Variants in KBTBD2 observed in about 807,000 individuals in gnomAD.
The protein encoded by KBTBD2 is kelch repeat and BTB domain containing 2, also known as kelch repeat and BTB domain-containing protein 2.
In KBTBD2, 17 loss-of-function variants were observed where a neutral mutation model predicts 57.1. The ratio of observed to expected loss-of-function variants is 0.30; its 90% CI spans 0.20 to 0.45. The LOEUF is 0.45. Among genes scored for constraint, KBTBD2 ranks in the 20% least tolerant of loss-of-function variants. The pLI is 1.00. For missense variants in KBTBD2, 515 were observed against 750.6 expected (o/e 0.69, Z 3.67); for synonymous variants, 267 against 262.7 (o/e 1.02, Z -0.16).
At chr7:32,885,416 G>A (rs765380184) in intron 1 of KBTBD2, among the ~76,000 whole-genome samples, 1 of 145,704 alleles carries the variant, frequency 6.9e-6, no homozygotes, top group Non-Finnish European at 1.5e-5. Context: ...ATTCCTGCTA[G>A]TTCCGTGGAC....
At chr7:32,872,885 C>T (rs1398763472) in intron 3 of KBTBD2, among the ~76,000 whole-genome samples, 1 of 151,952 alleles carries the variant, frequency 6.6e-6, no homozygotes, top group Non-Finnish European at 1.5e-5. Context: ...ATTTCTGGTC[C>T]CAATCATTTT....
In KBTBD2 at chr7:32,874,986, G is replaced by T; in HGVS notation, c.336+6C>A. 6.2e-7 allele frequency: 1 copy of T among 1,612,862 alleles called. No individual in the cohort carries two copies. The highest frequency in any genetic ancestry group is 8.5e-7 in the Non-Finnish European group (1 of 1,179,046). ...ACTCCGTCTAAAAAAATATATATAT[G>T]CTTACCTGTAGGAAGCAAGCTGTTT... On this transcript the variant is annotated splice_donor_region_variant and intron_variant, in intron 3 of 3. Transcript: ENST00000304056.
At chr7:32,881,824 T>G (rs1190707357) in intron 1 of KBTBD2, among the ~76,000 whole-genome samples, 2 of 152,214 alleles carry the variant, frequency 1.3e-5, no homozygotes, top group African/African-American at 4.8e-5. Context: ...GAGGAGTAAG[T>G]TGATACATAC....
intron 1 of KBTBD2, among the ~76,000 whole-genome samples, chr7:32,880,316 A>T (rs778759740): frequency 6.6e-6 from 1 of 151,944 alleles, no homozygotes; most frequent in Non-Finnish European, 1.5e-5. Context: ...AAGAAAAAAT[A>T]TTTTTTTAAA....
At chr7:32,891,887 G>GCCC (rs1554279067), upstream of KBTBD2, 7 of 29,366 alleles carry the variant, frequency 2.4e-4, no homozygotes, top group Non-Finnish European at 4.4e-4. Flanking sequence ...CGCCGCCCCC[G>GCCC]CCGCCCCCGC....
chr7:32,872,887 A>T (rs895849519), intron 3 of KBTBD2, among the ~76,000 whole-genome samples: 4 of 152,208 alleles, frequency 2.6e-5, no homozygotes, highest in Non-Finnish European at 2.9e-5. Flanking sequence ...TTCTGGTCCC[A>T]ATCATTTTGG....
intron 3 of KBTBD2, among the ~76,000 whole-genome samples, chr7:32,871,331 T>G (rs1034703939): frequency 6.6e-6 from 1 of 152,226 alleles, no homozygotes; most frequent in Admixed American, 6.5e-5. Context: ...CAGAAAATCA[T>G]GCACAATGAG....
At chr7:32,875,578 A>G (rs1012251633) in intron 2 of KBTBD2, among the ~76,000 whole-genome samples, 2 of 152,136 alleles carry the variant, frequency 1.3e-5, no homozygotes, top group Non-Finnish European at 2.9e-5. Context: ...AGCCAATGAA[A>G]TTTTTGAGGG....
At chr7:32,882,219 G>A (rs6462430) in intron 1 of KBTBD2, among the ~76,000 whole-genome samples, 73,506 of 151,872 alleles carry the variant, frequency 0.48, 19,434 homozygotes, top group African/African-American at 0.71. Context: ...CATTAATAAA[G>A]TAGAAGTCCT....
rs182316559 is a variant in KBTBD2, at chr7:32,883,780, T to C, written c.-338-3838A>G. 7.2e-5 allele frequency among the ~76,000 whole-genome samples: 11 copies of C among 152,336 alleles called. No homozygotes were observed. The South Asian group carries it at 8.3e-4, about 11-fold the overall frequency. On this transcript the variant is annotated intron_variant, in intron 1 of 3. Transcript: ENST00000304056. ...TTTATTGAATACTAAGTGCCAATCATTGCACTTTACATACTCGGATTCAGA... is the reference window on the plus strand; with the variant it reads ...TTTATTGAATACTAAGTGCCAATCACTGCACTTTACATACTCGGATTCAGA...
chr7:32,885,681 C>T (rs1784561495), intron 1 of KBTBD2, among the ~76,000 whole-genome samples: 1 of 152,122 alleles, frequency 6.6e-6, no homozygotes, highest in Admixed American at 6.5e-5. Flanking sequence ...AAAATGCTAA[C>T]CAGCATAAGA....
intron 3 of KBTBD2, among the ~76,000 whole-genome samples, chr7:32,873,782 G>A (rs552979624): frequency 2.0e-5 from 3 of 152,072 alleles, no homozygotes; most frequent in Admixed American, 1.3e-4. Context: ...GGTATATTAG[G>A]TAGTAAAACA....
At chr7:32,891,305 G>A (rs991801417) in intron 1 of KBTBD2, among the ~76,000 whole-genome samples, 3 of 148,602 alleles carry the variant, frequency 2.0e-5, no homozygotes, top group African/African-American at 7.3e-5. Context: ...GACCTGCCCG[G>A]AGCTCCGCCG....
chr7:32,891,006 GCTTT>G (rs1357559321), intron 1 of KBTBD2: 1 of 152,182 alleles, frequency 6.6e-6, no homozygotes, highest in Non-Finnish European at 1.5e-5. Flanking sequence ...GGCAGTTTCT[GCTTT>G]CTTTTTTAAG....
At chr7:32,873,384 C>CAAAAAAAAAA (rs544661966) in intron 3 of KBTBD2, among the ~76,000 whole-genome samples, 2 of 107,782 alleles carry the variant, frequency 1.9e-5, no homozygotes, top group African/African-American at 3.6e-5. Flanking sequence ...AAGCTCTAAG[C>CAAAAAAAAAA]AAAAAAAAAA....
At position 32,869,963 on chromosome 7, in the gene KBTBD2, A is replaced by C; in HGVS notation, c.1254T>G (p.Ala418=). 1 of 1,614,152 alleles carries C rather than the reference A, an allele frequency of 6.2e-7. No individual in the cohort carries two copies. The highest frequency in any genetic ancestry group is 8.5e-7 in the Non-Finnish European group (1 of 1,180,022). The change falls in exon 4 of 4, where the codon GCT becomes GCG. Residue 418 remains alanine, a synonymous_variant. Coordinates refer to ENST00000304056, the MANE Select transcript of KBTBD2 (RefSeq NM_015483.3). ...CCACAACTGCTGCACTCCATTGCCA[A>C]GCACAAGGTAAAGGGCTTACCATCG... The part of the protein sequence containing the change: ...EWTMVSPLPC[A]WQWSAAVVVH...
At chr7:32,870,943 T>G in intron 3 of KBTBD2, 63 bp from the exon 4 acceptor site, 1 of 960,920 alleles carries the variant, frequency 1.0e-6, no homozygotes, top group Non-Finnish European at 1.5e-6. Flanking sequence ...TTTACTTTTA[T>G]GTAAGACGTA....
At chr7:32,890,531 G>A (rs988110889) in intron 1 of KBTBD2, among the ~76,000 whole-genome samples, 3 of 152,180 alleles carry the variant, frequency 2.0e-5, no homozygotes, top group African/African-American at 7.2e-5. Context: ...TTAATTAGTT[G>A]CCTCGATAAA....
intron 3 of KBTBD2, among the ~76,000 whole-genome samples, chr7:32,873,423 A>T (rs1784231362): frequency 6.6e-6 from 1 of 151,856 alleles, no homozygotes; most frequent in Non-Finnish European, 1.5e-5. Flanking sequence ...CTTAAATTCA[A>T]TAAACACTGT....
Sources: gnomAD v4.1 joint callset for allele counts (sites outside exome capture counted in the v4.1 genomes callset) on GRCh38, gnomAD v4.1.1 for gene constraint, MANE v1.5 for transcripts, NCBI Gene and HGNC (gene_info 2026-07-23, HGNC 2026-07-21) for gene names.